The following SLC35F2 variants were observed in gnomAD, a reference collection of about 807,000 sequenced individuals.
SLC35F2 encodes queuine/queuosine transporter SLC35F2.
A neutral mutation model predicts 38.1 loss-of-function variants in SLC35F2; 25 were observed. The ratio of observed to expected loss-of-function variants is 0.66; its 90% CI spans 0.48 to 0.92. The LOEUF (loss-of-function observed/expected upper bound fraction) is 0.92. SLC35F2 is among the 40% of genes least tolerant of loss of function. The pLI is 0.00. For missense variants in SLC35F2, 409 were observed against 452.9 expected, an observed-to-expected ratio of 0.90 and a Z score of 0.88; for synonymous variants, 173 against 181.7, an observed-to-expected ratio of 0.95 and a Z score of 0.38.
chr11:107,821,027 G>A (rs1209400016), intron 1 of SLC35F2, among the ~76,000 whole-genome samples: 1 of 152,094 alleles, frequency 6.6e-6, no homozygotes, highest in East Asian at 1.9e-4. Context: ...AAGGAACCTG[G>A]CCTGATCTCT....
intron 1 of SLC35F2, among the ~76,000 whole-genome samples, chr11:107,843,855 AAAAAAAAAAAAAAATATAT>A (rs1860051789): frequency 8.1e-5 from 3 of 37,164 alleles, no homozygotes; most frequent in African/African-American, 2.4e-4. Flanking sequence ...TTAAAAAAAA[AAAAAAAAAAAAAAATATAT>A]ATATATATAT....
intron 3 of SLC35F2, chr11:107,809,783 T>C: frequency 1.0e-6 from 1 of 984,828 alleles, no homozygotes; most frequent in Non-Finnish European, 1.2e-6. Context: ...TTAGATCATA[T>C]TAGAGGTACA....
intron 1 of SLC35F2, among the ~76,000 whole-genome samples, chr11:107,828,142 T>G (rs1293305199): frequency 1.3e-5 from 2 of 152,132 alleles, no homozygotes; most frequent in Non-Finnish European, 2.9e-5. Flanking sequence ...ATCCATGAGT[T>G]AATAGCAATA....
At chr11:107,823,254 T>C (rs502398) in intron 1 of SLC35F2, 510,785 of 979,652 alleles carry the variant, frequency 0.52, 137,243 homozygotes, top group African/African-American at 0.88. Flanking sequence ...ATTATTCTTT[T>C]CTTTTTATTT....
At chr11:107,834,105 T>C (rs1261027793) in intron 1 of SLC35F2, among the ~76,000 whole-genome samples, 2 of 152,180 alleles carry the variant, frequency 1.3e-5, no homozygotes, top group Non-Finnish European at 2.9e-5. Flanking sequence ...TTTGAAATGC[T>C]GAGGATCTAC....
At chr11:107,810,270 G>A (rs1214580377) in intron 3 of SLC35F2, 3 of 985,262 alleles carry the variant, frequency 3.0e-6, no homozygotes, top group African/African-American at 1.7e-5. Flanking sequence ...AGAGGCTAGC[G>A]TGAAAGAAAT....
chr11:107,815,737 T>C lies in SLC35F2; in HGVS notation c.286+53A>G, dbSNP rs189717811. On this transcript the variant is annotated intron_variant, in intron 2 of 7. Transcript: ENST00000525815. ...ATTTAGAGGTGTCATACTTTTCTAG[T>C]AATTTTTATGAAGATAATTTTGTTG... 2,879 of 1,538,792 alleles carry C rather than the reference T, an allele frequency of 1.9e-3. 7 individuals are homozygous for C. The highest frequency in any genetic ancestry group is 3.0e-3 in the Admixed American group (147 of 48,970).
At chr11:107,845,950 C>A (rs200613430) in intron 1 of SLC35F2, among the ~76,000 whole-genome samples, 1 of 142,852 alleles carries the variant, frequency 7.0e-6, no homozygotes, top group African/African-American at 2.6e-5. Context: ...GAGATTCTGT[C>A]ATAAATAAAT....
chr11:107,802,883 G>T, intron 7 of SLC35F2, 118 bp downstream of exon 7: 1 of 1,020,930 alleles, frequency 9.8e-7, no homozygotes, highest in Non-Finnish European at 1.4e-6. Context: ...CCTGACCAAT[G>T]AAATTCTTGC....
At chr11:107,820,360 T>TGGAA (rs142148194) in intron 1 of SLC35F2, among the ~76,000 whole-genome samples, 8,314 of 151,934 alleles carry the variant, frequency 0.055, 455 homozygotes, top group African/African-American at 0.14. Context: ...CTCTCTTCCC[T>TGGAA]GGAAGTCTCA....
At position 107,800,440 on chromosome 11, in the gene SLC35F2, C is replaced by T. The variant is rs143974651; in HGVS notation, c.939+2561G>A. Among the ~76,000 whole-genome samples the T allele has an allele frequency of 6.5e-3, 996 of 152,112 alleles. 7 individuals are homozygous for T. Among genetic ancestry groups the T allele is most frequent in the African/African-American group, 0.023 (940 of 41,506 alleles). Reference sequence around the variant, plus strand: ...GCATAAATAAGGATTTGTCTGGATACAAAATTCTACAAGGACGAAGAAAGA... The same window carrying T: ...GCATAAATAAGGATTTGTCTGGATATAAAATTCTACAAGGACGAAGAAAGA... On this transcript the variant is annotated intron_variant, in intron 7 of 7. Coordinates refer to ENST00000525815, the MANE Select transcript of SLC35F2 (RefSeq NM_017515.5).
chr11:107,842,446 T>G (rs1476339977), intron 1 of SLC35F2, among the ~76,000 whole-genome samples: 1 of 151,926 alleles, frequency 6.6e-6, no homozygotes, highest in African/African-American at 2.4e-5. Flanking sequence ...CTCCGCCTCC[T>G]GGGTTCAAGC....
chr11:107,852,675 C>G (rs1860205401), intron 1 of SLC35F2, among the ~76,000 whole-genome samples: 1 of 152,000 alleles, frequency 6.6e-6, no homozygotes, highest in Non-Finnish European at 1.5e-5. Flanking sequence ...AGTTCAAGAC[C>G]AGCCTAGCCA....
chr11:107,842,112 C>T (rs1434793490), intron 1 of SLC35F2, among the ~76,000 whole-genome samples: 1 of 148,516 alleles, frequency 6.7e-6, no homozygotes, highest in African/African-American at 2.5e-5. Flanking sequence ...AATAAAAATA[C>T]AAAAATTAGC....
rs111714757 is a variant in SLC35F2, at chr11:107,820,750, G to A, written c.111-4785C>T. 4.0e-3 allele frequency among the ~76,000 whole-genome samples: 609 copies of A among 152,288 alleles called. 3 individuals carry two copies. The highest frequency in any genetic ancestry group is 0.014 in the African/African-American group (568 of 41,562). On this transcript the variant is annotated intron_variant, in intron 1 of 7. Transcript: ENST00000525815. ...GCGGGCGGATCACTTGAGGTCAGGAGTTCAAGACCAACCTGGCTGACATAG... is the reference window on the plus strand; with the variant it reads ...GCGGGCGGATCACTTGAGGTCAGGAATTCAAGACCAACCTGGCTGACATAG...
intron 1 of SLC35F2, 95 bp from the exon 2 acceptor site, chr11:107,816,060 A>T: frequency 7.5e-7 from 1 of 1,335,980 alleles, no homozygotes; most frequent in Non-Finnish European, 9.6e-7. Flanking sequence ...ACACTGCTAA[A>T]CACAAAGGGA....
At chr11:107,798,973 G>A (rs770708636) in intron 7 of SLC35F2, among the ~76,000 whole-genome samples, 37 of 152,276 alleles carry the variant, frequency 2.4e-4, no homozygotes, top group Non-Finnish European at 3.5e-4. Flanking sequence ...CTACTCAGGA[G>A]GCTGAAGCAC....
chr11:107,822,617 A>C (rs1017676830), intron 1 of SLC35F2, among the ~76,000 whole-genome samples: 1 of 152,042 alleles, frequency 6.6e-6, no homozygotes, highest in Non-Finnish European at 1.5e-5. Context: ...CCAAAACTCT[A>C]AGCTCCAGGA....
chr11:107,809,392 G>A (rs914454410), intron 3 of SLC35F2, among the ~76,000 whole-genome samples: 10 of 146,994 alleles, frequency 6.8e-5, no homozygotes, highest in Non-Finnish European at 1.2e-4. Flanking sequence ...TACTCAGGAG[G>A]CCAAGGCTGC....
Sources: gnomAD v4.1 joint callset for allele counts (sites outside exome capture counted in the v4.1 genomes callset) on GRCh38, gnomAD v4.1.1 for gene constraint, MANE v1.5 for transcripts, NCBI Gene and HGNC (gene_info 2026-07-23, HGNC 2026-07-21) for gene names.